SOD1: variants seen among roughly 807,000 people sequenced by gnomAD.
The protein encoded by SOD1 is superoxide dismutase [Cu-Zn].
A neutral mutation model predicts 15.9 loss-of-function variants in SOD1; 8 were observed. The ratio of observed to expected loss-of-function variants is 0.50; its 90% CI spans 0.30 to 0.91. The LOEUF (loss-of-function observed/expected upper bound fraction) is 0.91. Among genes scored for constraint, SOD1 ranks in the 40% least tolerant of loss-of-function variants. The pLI, the probability that SOD1 is intolerant of heterozygous loss-of-function variation, is 0.07. For synonymous variants in SOD1, 86 were observed against 71.2 expected (o/e 1.21, Z -1.04); for missense variants, 137 against 194.5 (o/e 0.70, Z 1.76).
In SOD1 at chr21:31,668,912, G is replaced by T; in HGVS notation, c.*334G>T. 2 of 274,398 alleles carry T rather than the reference G, an allele frequency of 7.3e-6. No homozygotes were observed. Among genetic ancestry groups the T allele is most frequent in the East Asian group, 8.4e-5 (1 of 11,940 alleles). 17.0% of individuals were successfully genotyped at this position (274,398 alleles called of 1,614,324 possible). A position where few individuals can be genotyped will look rare whatever the true frequency, so the allele number is the denominator to read the frequency against. ...GGCACTTATTATGAGGCTATTAAAA[G>T]AATCCAAATTCAAACTAAATTAGCT... On this transcript the variant is annotated 3_prime_UTR_variant, in exon 5 of 5. Coordinates refer to ENST00000270142, the MANE Select transcript of SOD1 (RefSeq NM_000454.5).
At chr21:31,661,368 A>G (rs1017623179) in intron 1 of SOD1, among the ~76,000 whole-genome samples, 1 of 151,744 alleles carries the variant, frequency 6.6e-6, no homozygotes, top group African/African-American at 2.4e-5. Flanking sequence ...CACCAGTACT[A>G]GTGTTTTGTT....
chr21:31,668,690 G>T lies in SOD1; in HGVS notation c.*112G>T. ...TGTAATCTTAAAAGTGTAATTGTGT[G>T]ACTTTTTCAGAGTTGCTTTAAAGTA... On this transcript the variant is annotated 3_prime_UTR_variant, in exon 5 of 5. Transcript: ENST00000270142. The T allele has an allele frequency of 1.2e-6, 1 of 843,782 alleles. No individual in the cohort carries two copies. Among genetic ancestry groups the T allele is most frequent in the Non-Finnish European group, 2.0e-6 (1 of 502,414 alleles). 52.3% of individuals were successfully genotyped at this position (843,782 alleles called of 1,614,324 possible).
rs377633271 is a variant in SOD1, at chr21:31,659,749, C to T, written c.-21C>T. 3 of 1,613,768 alleles carry T rather than the reference C, an allele frequency of 1.9e-6. No individual in the cohort carries two copies. The highest frequency in any genetic ancestry group is 1.3e-5 in the African/African-American group (1 of 75,050). The stretch of plus-strand genomic sequence containing the variant: ...CCGTTGCAGTCCTCGGAACCAGGAC[C>T]TCGGCGTGGCCTAGCGAGTTATGGC... On this transcript the variant is annotated 5_prime_UTR_variant, in exon 1 of 5. Coordinates refer to ENST00000270142, the MANE Select transcript of SOD1 (RefSeq NM_000454.5).
In SOD1 at chr21:31,659,794, C is replaced by G. The variant is rs1568807333; in HGVS notation, c.25C>G (p.Leu9Val). MATKAVCV[L>V]KGDGPVQGII... is the part of the protein sequence containing the mutation. ...TATGGCGACGAAGGCCGTGTGCGTG[C>G]TGAAGGGCGACGGCCCAGTGCAGGG... The change falls in exon 1 of 5, where the codon CTG becomes GTG. Residue 9 changes from leucine to valine, a missense_variant. Physicochemically the swap from Leu to Val is conservative, Grantham distance 32. Transcript: ENST00000270142. The G allele has an allele frequency of 1.9e-6, 3 of 1,613,922 alleles. No individual in the cohort carries two copies. Among genetic ancestry groups the G allele is most frequent in the Non-Finnish European group, 2.5e-6 (3 of 1,179,906 alleles).
chr21:31,663,537 T>C (rs999586292), intron 1 of SOD1, among the ~76,000 whole-genome samples: 4 of 152,216 alleles, frequency 2.6e-5, no homozygotes, highest in African/African-American at 9.6e-5. Flanking sequence ...TATTTAATCA[T>C]GAAGCCTGGC....
chr21:31,662,540 CCAT>C (rs1326242576), intron 1 of SOD1, among the ~76,000 whole-genome samples: 1 of 152,098 alleles, frequency 6.6e-6, no homozygotes, highest in African/African-American at 2.4e-5. Context: ...CCACGGAGCA[CCAT>C]TACCTGTCAC....
chr21:31,665,629 C>G (rs1304002876), intron 2 of SOD1, among the ~76,000 whole-genome samples: 1 of 152,192 alleles, frequency 6.6e-6, no homozygotes, highest in Admixed American at 6.5e-5. Context: ...ATGTCATCCC[C>G]TGGTGCACAG....
intron 2 of SOD1, among the ~76,000 whole-genome samples, chr21:31,665,664 T>G (rs2123433755): frequency 6.6e-6 from 1 of 152,284 alleles, no homozygotes; most frequent in Non-Finnish European, 1.5e-5. Context: ...CAGGATACAG[T>G]TGGAATGCCG....
At chr21:31,667,932 T>C (rs2049610928) in intron 4 of SOD1, among the ~76,000 whole-genome samples, 1 of 152,222 alleles carries the variant, frequency 6.6e-6, no homozygotes, top group Admixed American at 6.5e-5. Flanking sequence ...CCCTTTATTT[T>C]TATGGTTTTT....
At chr21:31,667,923 C>T (rs1437981321) in intron 4 of SOD1, among the ~76,000 whole-genome samples, 1 of 152,062 alleles carries the variant, frequency 6.6e-6, no homozygotes, top group African/African-American at 2.4e-5. Context: ...TTCAGTTAAC[C>T]CTTTATTTTT....
intron 2 of SOD1, chr21:31,664,188 G>A (rs1041938677): frequency 2.7e-6 from 1 of 365,946 alleles, no homozygotes; most frequent in African/African-American, 2.1e-5. Flanking sequence ...GCCCAGGCTG[G>A]TCTTGAACTG....
At position 31,668,594 on chromosome 21, in the gene SOD1, T is replaced by C. The variant is rs772828451; in HGVS notation, c.*16T>C. On this transcript the variant is annotated 3_prime_UTR_variant, in exon 5 of 5. Coordinates refer to ENST00000270142, the MANE Select transcript of SOD1 (RefSeq NM_000454.5). ...CGCCCAATAAACATTCCCTTGGATG[T>C]AGTCTGAGGCCCCTTAACTCATCTG... 1.8e-5 allele frequency: 28 copies of C among 1,557,840 alleles called. No individual in the cohort carries two copies. The highest frequency in any genetic ancestry group is 1.6e-4 in the East Asian group (7 of 44,606).
chr21:31,664,984 C>T (rs1314775106), intron 2 of SOD1, among the ~76,000 whole-genome samples: 1 of 152,002 alleles, frequency 6.6e-6, no homozygotes, highest in African/African-American at 2.4e-5. Flanking sequence ...TTGTAATGAT[C>T]CCAGGTGTTT....
intron 1 of SOD1, among the ~76,000 whole-genome samples, chr21:31,662,753 G>A (rs1258901289): frequency 6.6e-6 from 1 of 152,200 alleles, no homozygotes; most frequent in Non-Finnish European, 1.5e-5. Context: ...GGTGGCTTAC[G>A]CCTGTAATCC....
intron 1 of SOD1, 60 bp from the exon 2 acceptor site, chr21:31,663,724 GGGTAAA>G (rs1392932783): frequency 1.2e-5 from 15 of 1,239,020 alleles, no homozygotes; most frequent in Non-Finnish European, 1.5e-5. Context: ...TCACTGTGAG[GGGTAAA>G]GGTAAATCAG....
intron 3 of SOD1, 188 bp downstream of exon 3, chr21:31,666,706 C>T: frequency 4.7e-6 from 3 of 636,554 alleles, no homozygotes; most frequent in Middle Eastern, 4.2e-4. Context: ...AAGGAATTGA[C>T]AAATGGGGAC....
chr21:31,663,725 G>T lies in SOD1; in HGVS notation c.73-65G>T. Reference sequence around the variant, plus strand: ...GGCTGCTTTTTACTTCACTGTGAGGGGTAAAGGTAAATCAGCTGTTTTCTT... The same window carrying T: ...GGCTGCTTTTTACTTCACTGTGAGGTGTAAAGGTAAATCAGCTGTTTTCTT... On this transcript the variant is annotated intron_variant, in intron 1 of 4. Coordinates refer to ENST00000270142, the MANE Select transcript of SOD1 (RefSeq NM_000454.5). 2.4e-6 allele frequency: 3 copies of T among 1,247,352 alleles called. No homozygotes were observed. In the South Asian group the frequency reaches 3.6e-5, roughly 15 times the overall value. The allele number at this position is 1,247,352 out of a possible 1,614,324, so 77.3% of individuals were successfully genotyped here.
chr21:31,664,304 C>T (rs780166226), intron 2 of SOD1: 2 of 279,892 alleles, frequency 7.1e-6, no homozygotes, highest in African/African-American at 4.4e-5. Flanking sequence ...AAAAAGAGGT[C>T]AACTTTATTG....
Position 31,659,838 on chromosome 21 carries a change from G to C in SOD1, c.69G>C (p.Gln23His), listed in dbSNP as rs1424217272. 1.7e-5 allele frequency: 28 copies of C among 1,613,346 alleles called. No individual in the cohort carries two copies. The highest frequency in any genetic ancestry group is 2.1e-5 in the Non-Finnish European group (25 of 1,179,756). Residue 23 changes from glutamine (Q) to histidine (H), a missense_variant, in exon 1 of 5, where the codon CAG becomes CAC. Coordinates refer to ENST00000270142, the MANE Select transcript of SOD1 (RefSeq NM_000454.5). ...TGCAGGGCATCATCAATTTCGAGCA[G>C]AAGGCAAGGGCTGGGACGGAGGCTT... ...GPVQGIINFE[Q>H]KESNGPVKVW...
Sources: allele counts gnomAD v4.1 joint callset (sites outside exome capture counted in the v4.1 genomes callset), GRCh38; gene constraint gnomAD v4.1.1; transcripts MANE v1.5; gene names NCBI Gene and HGNC (gene_info 2026-07-23, HGNC 2026-07-21).